The following RGL1 variants were observed in gnomAD, a reference collection of about 807,000 sequenced individuals.
RGL1 encodes ral guanine nucleotide dissociation stimulator like 1, also known as ral guanine nucleotide dissociation stimulator-like 1.
In RGL1, 24 loss-of-function variants were observed where a neutral mutation model predicts 95.2. The ratio of observed to expected loss-of-function variants is 0.25; its 90% CI spans 0.18 to 0.35. The LOEUF is 0.35. RGL1 is among the 10% of genes least tolerant of loss of function. The probability of loss-of-function intolerance (pLI) is 1.00; values close to 1 mark genes in which losing one functional copy is unlikely to be tolerated. For missense variants in RGL1, 715 were observed against 936.3 expected, an observed-to-expected ratio of 0.76 and a Z score of 3.08; for synonymous variants, 329 against 344.9, an observed-to-expected ratio of 0.95 and a Z score of 0.51.
intron 2 of RGL1, among the ~76,000 whole-genome samples, chr1:183,820,947 A>G (rs1662441365): frequency 6.6e-6 from 1 of 152,066 alleles, no homozygotes; most frequent in Non-Finnish European, 1.5e-5. Flanking sequence ...AGCCTGGCCA[A>G]CATGGTGAAA....
At chr1:183,735,341 T>C (rs991149103) in intron 1 of RGL1, among the ~76,000 whole-genome samples, 2 of 152,196 alleles carry the variant, frequency 1.3e-5, no homozygotes, top group Admixed American at 6.5e-5. Flanking sequence ...TGATTGACAT[T>C]TATTCCAAAA....
At chr1:183,794,865 A>G (rs543459469) in intron 2 of RGL1, among the ~76,000 whole-genome samples, 4 of 152,302 alleles carry the variant, frequency 2.6e-5, no homozygotes, top group South Asian at 2.1e-4. Context: ...TCAGGGCTAC[A>G]TTGTTAGTCT....
At chr1:183,909,185 G>T (rs982187125) in intron 14 of RGL1, among the ~76,000 whole-genome samples, 1 of 152,166 alleles carries the variant, frequency 6.6e-6, no homozygotes, top group African/African-American at 2.4e-5. Context: ...ACATACAAGG[G>T]TGTTTGCATA....
Position 183,805,166 on chromosome 1 carries a change from G to C in RGL1, c.-132G>C. The C allele has an allele frequency of 1.7e-6, 2 of 1,208,872 alleles. No homozygotes were observed. Among genetic ancestry groups the C allele is most frequent in the Non-Finnish European group, 2.2e-6 (2 of 930,012 alleles). The allele number at this position is 1,208,872 out of a possible 1,614,324, so 74.9% of individuals were successfully genotyped here. A position where few individuals can be genotyped will look rare whatever the true frequency, so the allele number is the denominator to read the frequency against. ...GGCGGCGGCGGGGGCAGCGCGGCGC[G>C]TGTCTGTGCGCTGCGGTCGCTCGGG... On this transcript the variant is annotated 5_prime_UTR_variant, in exon 1 of 18. Transcript: ENST00000360851.
chr1:183,777,070 C>A (rs1659643087), intron 2 of RGL1, among the ~76,000 whole-genome samples: 1 of 152,156 alleles, frequency 6.6e-6, no homozygotes, highest in African/African-American at 2.4e-5. Flanking sequence ...ATAGATGGAT[C>A]GAAGCTGTCC....
At chr1:183,691,726 T>C (rs1276288674) in intron 1 of RGL1, among the ~76,000 whole-genome samples, 2 of 152,212 alleles carry the variant, frequency 1.3e-5, no homozygotes, top group East Asian at 1.9e-4. Flanking sequence ...TATTTTTACA[T>C]AGAATTCAGT....
chr1:183,857,527 C>T (rs1237222328), intron 3 of RGL1, among the ~76,000 whole-genome samples: 9 of 152,202 alleles, frequency 5.9e-5, no homozygotes, highest in African/African-American at 2.2e-4. Context: ...GGTCGGTGTC[C>T]ACCCTCACCT....
At chr1:183,742,042 A>G in intron 1 of RGL1, 2 of 1,087,508 alleles carry the variant, frequency 1.8e-6, no homozygotes, top group Non-Finnish European at 2.7e-6. Context: ...ACTAGTCAGA[A>G]GTCAAGCATG....
At chr1:183,702,579 G>A (rs891630578) in intron 1 of RGL1, among the ~76,000 whole-genome samples, 6 of 152,150 alleles carry the variant, frequency 3.9e-5, no homozygotes, top group Non-Finnish European at 7.4e-5. Flanking sequence ...AGTAAGGTTG[G>A]GCTGAGGCAT....
chr1:183,882,320 T>C (rs1366814189), intron 5 of RGL1, among the ~76,000 whole-genome samples: 2 of 152,150 alleles, frequency 1.3e-5, no homozygotes, highest in Non-Finnish European at 2.9e-5. Flanking sequence ...GATCAAGCCT[T>C]AGCACATACC....
rs1418103960 is a variant in RGL1 at position 183,849,483 on chromosome 1, G to GTTTTT, written c.347+1728_347+1732dup. On this transcript the variant is annotated intron_variant, in intron 3 of 17. Transcript: ENST00000360851. ...ACATTTAAGTTTTCTCCAGTTTTTA[G>GTTTTT]TTTTTTTTTTTTTTTTTTTTTTTGT... Among the ~76,000 whole-genome samples the GTTTTT allele has an allele frequency of 2.8e-3, 343 of 120,762 alleles. 1 individual carries two copies. Among genetic ancestry groups the GTTTTT allele is most frequent in the Middle Eastern group, 5.1e-3 (1 of 198 alleles). 79.2% of individuals were successfully genotyped at this position (120,762 alleles called of 152,430 possible). A position where few individuals can be genotyped will look rare whatever the true frequency, so the allele number is the denominator to read the frequency against.
At chr1:183,720,680 C>G (rs1655969449) in intron 1 of RGL1, among the ~76,000 whole-genome samples, 1 of 152,068 alleles carries the variant, frequency 6.6e-6, no homozygotes, top group African/African-American at 2.4e-5. Context: ...TTGTAGTAGT[C>G]CTGGAACCTA....
chr1:183,830,569 G>C (rs1663192180), intron 2 of RGL1, among the ~76,000 whole-genome samples: 1 of 152,122 alleles, frequency 6.6e-6, no homozygotes, highest in African/African-American at 2.4e-5. Flanking sequence ...AGTTGGCCCA[G>C]TGGCATCTAC....
intron 1 of RGL1, among the ~76,000 whole-genome samples, chr1:183,650,530 G>A (rs1027458539): frequency 4.6e-5 from 7 of 152,082 alleles, no homozygotes; most frequent in Non-Finnish European, 1.0e-4. Flanking sequence ...GTGACAGAGC[G>A]AGACTCTGTC....
intron 2 of RGL1, among the ~76,000 whole-genome samples, chr1:183,820,341 A>G (rs1324008280): frequency 6.6e-6 from 1 of 152,190 alleles, no homozygotes; most frequent in Non-Finnish European, 1.5e-5. Context: ...CACAGACAAA[A>G]GAATGTATTT....
chr1:183,671,823 G>GAAAATCCTCC (rs929630364), intron 1 of RGL1, among the ~76,000 whole-genome samples: 2 of 152,172 alleles, frequency 1.3e-5, no homozygotes, highest in African/African-American at 4.8e-5. Context: ...GGTGAGCTCT[G>GAAAATCCTCC]AAAATCCTCC....
At chr1:183,653,113 G>A (rs895133114) in intron 1 of RGL1, 1 of 152,186 alleles carries the variant, frequency 6.6e-6, no homozygotes, top group East Asian at 1.9e-4. Flanking sequence ...CCAGGTGTTA[G>A]AAGAGATGGT....
chr1:183,864,068 A>G (rs1470731390), intron 3 of RGL1, among the ~76,000 whole-genome samples: 4 of 152,204 alleles, frequency 2.6e-5, no homozygotes, highest in African/African-American at 9.6e-5. Flanking sequence ...CTCAGCTCTG[A>G]GTCTGAAGAA....
chr1:183,891,929 C>A (rs905220749), intron 8 of RGL1, 148 bp from the exon 9 acceptor site: 1 of 531,220 alleles, frequency 1.9e-6, no homozygotes, highest in Non-Finnish European at 3.3e-6. Context: ...AAAAAAAAAT[C>A]ATGGGCCTTA....
Sources: gnomAD v4.1 joint callset for allele counts (sites outside exome capture counted in the v4.1 genomes callset) on GRCh38, gnomAD v4.1.1 for gene constraint, MANE v1.5 for transcripts, NCBI Gene and HGNC (gene_info 2026-07-23, HGNC 2026-07-21) for gene names.